Variants in CROT observed in about 807,000 individuals in gnomAD.
CROT encodes the protein peroxisomal carnitine O-octanoyltransferase.
Under a neutral mutation model 89.2 loss-of-function variants are expected in CROT, and 84 were observed. The ratio of observed to expected loss-of-function variants is 0.94; its 90% CI spans 0.79 to 1.13. CROT has a LOEUF of 1.13. Among genes scored for constraint, CROT ranks in the 50% most tolerant of loss-of-function variants. CROT has a pLI of 0.00. For missense variants in CROT, 711 were observed against 727.8 expected (o/e 0.98, Z 0.27); for synonymous variants, 212 against 239.5 (o/e 0.89, Z 1.06).
At chr7:87,383,267 C>A (rs116531731) in intron 13 of CROT, among the ~76,000 whole-genome samples, 6 of 152,100 alleles carry the variant, frequency 3.9e-5, no homozygotes, top group Admixed American at 6.6e-5. Context: ...TCCTCTCCCC[C>A]CTACTCATCC....
At chr7:87,387,121 A>G (rs1807206669) in intron 13 of CROT, among the ~76,000 whole-genome samples, 2 of 151,980 alleles carry the variant, frequency 1.3e-5, no homozygotes, top group South Asian at 2.1e-4. Context: ...CCCTGGGATC[A>G]TCACAGCCTC....
chr7:87,389,138 G>C (rs1584648104), intron 13 of CROT, among the ~76,000 whole-genome samples: 2 of 152,196 alleles, frequency 1.3e-5, no homozygotes, highest in Non-Finnish European at 2.9e-5. Context: ...TGCTGGAGAG[G>C]ATGTGGAGAA....
intron 1 of CROT, among the ~76,000 whole-genome samples, chr7:87,346,087 C>A (rs1033243942): frequency 6.6e-6 from 1 of 152,206 alleles, no homozygotes; most frequent in African/African-American, 2.4e-5. Flanking sequence ...TACCCAGCCA[C>A]TGAAAACGTA....
rs1184980617 is a variant in CROT, at chr7:87,391,698, G to T, written c.1411G>T (p.Asp471Tyr). The change falls in exon 14 of 18, where the codon GAT becomes TAT. Residue 471 changes from aspartate to tyrosine, a missense_variant. By Grantham distance (160) the Asp-to-Tyr change is radical (BLOSUM62 -3). Transcript: ENST00000331536. ...EAVRWCQSMQ[D>Y]PSVNLRERQQ... is the part of the protein sequence containing the mutation. ...AGTGAGGTGGTGCCAGTCCATGCAG[G>T]ATCCTTCTGTCAATGTGAGTATTGG... 4 of 1,608,752 alleles carry T rather than the reference G, an allele frequency of 2.5e-6. No individual in the cohort carries two copies. Among genetic ancestry groups the T allele is most frequent in the Non-Finnish European group, 3.4e-6 (4 of 1,178,188 alleles).
chr7:87,356,492 A>G (rs1039787993), intron 3 of CROT, among the ~76,000 whole-genome samples: 33 of 152,348 alleles, frequency 2.2e-4, no homozygotes, highest in African/African-American at 7.7e-4. Flanking sequence ...TTTCAATACT[A>G]GTAGACTAAT....
At chr7:87,396,640 T>C (rs1037878624) in intron 17 of CROT, among the ~76,000 whole-genome samples, 2 of 151,942 alleles carry the variant, frequency 1.3e-5, no homozygotes, top group African/African-American at 4.8e-5. Flanking sequence ...TTTCATCTCT[T>C]CTACCCCAAG....
In CROT at chr7:87,377,381, AGTACGCTG is replaced by A. The variant is rs774262953; in HGVS notation, c.911_918del (p.Val304GlyfsTer2). On this transcript the variant is annotated frameshift_variant, in exon 10 of 18. Coordinates refer to ENST00000331536, the MANE Select transcript of CROT (RefSeq NM_021151.4). LOFTEE classifies it high-confidence loss of function. Reference sequence around the variant, plus strand: ...CAGCCATCCTTATTGGAGATCCAACAGTACGCTGGGGTGACAAATCCTATAACTTGATT... The same window carrying A: ...CAGCCATCCTTATTGGAGATCCAACAGGGTGACAAATCCTATAACTTGATT... 19 of 1,610,898 alleles carry A rather than the reference AGTACGCTG, an allele frequency of 1.2e-5. No individual in the cohort carries two copies. The highest frequency in any genetic ancestry group is 1.5e-5 in the Non-Finnish European group (18 of 1,177,858).
intron 7 of CROT, 148 bp downstream of exon 7, chr7:87,369,632 T>C (rs1246495786): frequency 5.6e-6 from 2 of 355,254 alleles, no homozygotes; most frequent in Non-Finnish European, 1.0e-5. Context: ...CTATTTGTAT[T>C]TTTTATTTAA....
chr7:87,366,268 A>AC (rs1466537466), intron 6 of CROT, among the ~76,000 whole-genome samples: 6 of 151,784 alleles, frequency 4.0e-5, no homozygotes, highest in Non-Finnish European at 5.9e-5. Flanking sequence ...ATATAGCACT[A>AC]CAGGGCCTGT....
At chr7:87,388,626 C>G (rs898216817) in intron 13 of CROT, among the ~76,000 whole-genome samples, 4 of 152,128 alleles carry the variant, frequency 2.6e-5, no homozygotes, top group African/African-American at 9.7e-5. Flanking sequence ...AAAATTAACT[C>G]AAGATGGATT....
rs748419326 is a variant in CROT at position 87,391,641 on chromosome 7, A to G, written c.1354A>G (p.Thr452Ala). ...GACAAGACATTTTTATCATGGCCGT[A>G]CAGAGACTATGCGATCATGCACAGT... The part of the protein sequence containing the change: ...AMTRHFYHGR[T>A]ETMRSCTVEA... The change falls in exon 14 of 18, where the codon ACA (threonine) becomes GCA (alanine). Residue 452 changes from threonine (T) to alanine (A), a missense_variant. By Grantham distance (58) the Thr-to-Ala change is moderately conservative. Coordinates refer to ENST00000331536, the MANE Select transcript of CROT (RefSeq NM_021151.4). The G allele has an allele frequency of 1.4e-5, 22 of 1,611,664 alleles. No homozygotes were observed. Among genetic ancestry groups the G allele is most frequent in the South Asian group, 1.3e-4 (12 of 90,506 alleles).
chr7:87,397,531 CTT>C (rs1167696890), intron 17 of CROT, among the ~76,000 whole-genome samples: 8 of 152,042 alleles, frequency 5.3e-5, no homozygotes, highest in Non-Finnish European at 1.5e-5. Flanking sequence ...AAAATTGACA[CTT>C]GAATAAGAAT....
intron 3 of CROT, among the ~76,000 whole-genome samples, chr7:87,355,668 C>G (rs1392895184): frequency 6.6e-6 from 1 of 152,080 alleles, no homozygotes. Flanking sequence ...TAGCGAGACA[C>G]AGACAGCAAA....
chr7:87,370,528 A>C (rs55953428), intron 7 of CROT, among the ~76,000 whole-genome samples: 9,147 of 152,280 alleles, frequency 0.06, 340 homozygotes, highest in South Asian at 0.17. Flanking sequence ...CAGTTGTTCT[A>C]ATTGTTTTCT....
intron 17 of CROT, among the ~76,000 whole-genome samples, chr7:87,397,259 G>A (rs1300024143): frequency 1.3e-5 from 2 of 151,574 alleles, no homozygotes; most frequent in Non-Finnish European, 2.9e-5. Flanking sequence ...CCTGAGGCAC[G>A]AGAATTGCTT....
rs190995236 is a variant in CROT at position 87,348,526 on chromosome 7, T to C, written c.-21-522T>C. 4.9e-3 allele frequency among the ~76,000 whole-genome samples: 745 copies of C among 152,362 alleles called. 6 individuals carry two copies. Among genetic ancestry groups the C allele is most frequent in the African/African-American group, 0.017 (707 of 41,582 alleles). On this transcript the variant is annotated intron_variant, in intron 2 of 17. Coordinates refer to ENST00000331536, the MANE Select transcript of CROT (RefSeq NM_021151.4). ...TCAATGCAATATCAACACATAATCCTTTTCTATACATCAAATACTATCTAC... is the reference window on the plus strand; with the variant it reads ...TCAATGCAATATCAACACATAATCCCTTTCTATACATCAAATACTATCTAC...
At chr7:87,359,818 A>G (rs959778784) in intron 4 of CROT, 96 of 982,854 alleles carry the variant, frequency 9.8e-5, no homozygotes, top group Non-Finnish European at 1.5e-5. Flanking sequence ...AAGCTAGTAT[A>G]ATAATTATTG....
chr7:87,372,996 G>A (rs915331313), intron 7 of CROT, among the ~76,000 whole-genome samples: 3 of 151,972 alleles, frequency 2.0e-5, no homozygotes, highest in Non-Finnish European at 4.4e-5. Context: ...TATATTTTAG[G>A]GGTAGAATTG....
intron 3 of CROT, among the ~76,000 whole-genome samples, chr7:87,357,060 G>T (rs139330190): frequency 1.6e-4 from 24 of 152,234 alleles, no homozygotes; most frequent in African/African-American, 5.3e-4. Flanking sequence ...TAAGTCCTCA[G>T]GTTCCCCATG....
Sources: gnomAD v4.1 joint callset for allele counts (sites outside exome capture counted in the v4.1 genomes callset) on GRCh38, gnomAD v4.1.1 for gene constraint, MANE v1.5 for transcripts, NCBI Gene and HGNC (gene_info 2026-07-23, HGNC 2026-07-21) for gene names.